PDK3: variants seen among roughly 807,000 people sequenced by gnomAD.
PDK3 encodes the protein pyruvate dehydrogenase kinase 3, also known as pyruvate dehydrogenase kinase, isozyme 3.
In PDK3, 12 loss-of-function variants were observed where a neutral mutation model predicts 32.0. The ratio of observed to expected loss-of-function variants is 0.37; its 90% CI spans 0.24 to 0.61. The LOEUF (loss-of-function observed/expected upper bound fraction) is 0.61, where lower values mean the gene tolerates loss of function less well. Ranked by LOEUF, PDK3 falls within the 20% of genes least tolerant of loss-of-function variation. PDK3 has a pLI of 0.65. For synonymous variants in PDK3, 122 were observed against 116.3 expected, an observed-to-expected ratio of 1.05 and a Z score of -0.31; for missense variants, 188 against 316.9, an observed-to-expected ratio of 0.59 and a Z score of 3.09.
At chrX:24,467,558 C>T (rs944226491) in intron 1 of PDK3, among the ~76,000 whole-genome samples, 1 of 112,294 alleles carries the variant, frequency 8.9e-6, no homozygotes, top group African/African-American at 3.2e-5. Context: ...TAGTTTGTAA[C>T]ACCCAGAGAT....
chrX:24,545,927 G>T (rs1922987027), exon 12 of PDK3: 1 of 112,034 alleles, frequency 8.9e-6, no homozygotes, highest in Non-Finnish European at 1.9e-5. Context: ...GAAAAATCCA[G>T]CCAGAAAGGG....
rs779361539 is a variant in PDK3 at position 24,540,173 on chromosome X, C to T, written c.*1009C>T. ...AGTCTGATTTTCACAATCCTTTTTG[C>T]TAAAAGTTGGAAGTGGGAATTAGCA... is the stretch of plus-strand genomic sequence containing the variant. On this transcript the variant is annotated 3_prime_UTR_variant, in exon 12 of 12. Transcript: ENST00000568479. 7.2e-5 allele frequency among the ~76,000 whole-genome samples: 8 copies of T among 111,689 alleles called. No homozygotes were observed. The East Asian group carries it at 1.1e-3, about 16-fold the overall frequency.
chrX:24,477,818 G>A (rs184352333), intron 1 of PDK3, among the ~76,000 whole-genome samples: 1 of 111,668 alleles, frequency 9.0e-6, no homozygotes, highest in African/African-American at 3.3e-5. Flanking sequence ...AAACTTGGCT[G>A]TTTCTCTTTT....
rs894320268 is a variant in PDK3 at position 24,508,309 on chromosome X, A to G, written c.595+3011A>G. Among the ~76,000 whole-genome samples the G allele has an allele frequency of 3.6e-5, 4 of 111,238 alleles. No homozygotes were observed. In the East Asian group the frequency reaches 8.5e-4, roughly 24 times the overall value. On this transcript the variant is annotated intron_variant, in intron 5 of 10. Transcript: ENST00000379162. ...GGGGAAAATCTGCCCCCATGATCCAATCACCTCCCACAAGGCCCCACCGCC... is the reference window on the plus strand; with the variant it reads ...GGGGAAAATCTGCCCCCATGATCCAGTCACCTCCCACAAGGCCCCACCGCC...
rs144055519 is a variant in PDK3, at chrX:24,480,641, A to C, written c.107-14101A>C. Among the ~76,000 whole-genome samples the C allele has an allele frequency of 3.7e-3, 413 of 112,513 alleles. 1 individual carries two copies. Among genetic ancestry groups the C allele is most frequent in the African/African-American group, 0.012 (370 of 30,956 alleles). On this transcript the variant is annotated intron_variant, in intron 1 of 10. Transcript: ENST00000379162. ...TTGCCCAAGAGCTATGAACCACTTT[A>C]GGGGATAGAGTCTGTGAGTGAGATG... is the stretch of plus-strand genomic sequence containing the variant.
At chrX:24,548,404 C>G (rs1223378635) in exon 12 of PDK3, 1 of 112,439 alleles carries the variant, frequency 8.9e-6, no homozygotes, top group Admixed American at 9.5e-5. Context: ...GGATAATAAG[C>G]TTTCACTTAA....
intron 9 of PDK3, among the ~76,000 whole-genome samples, chrX:24,528,922 G>A (rs1922582904): frequency 1.8e-5 from 2 of 112,217 alleles, no homozygotes; most frequent in Admixed American, 9.5e-5. Context: ...CTGCAAAATG[G>A]TTCAGGGTAT....
exon 12 of PDK3, among the ~76,000 whole-genome samples, chrX:24,543,722 T>A (rs1922938800): frequency 8.9e-6 from 1 of 111,883 alleles, no homozygotes; most frequent in Non-Finnish European, 1.9e-5. Flanking sequence ...GTTCTTGGAT[T>A]ATAGGTGTGA....
At chrX:24,490,301 C>G (rs1440435466) in intron 1 of PDK3, among the ~76,000 whole-genome samples, 1 of 111,287 alleles carries the variant, frequency 9.0e-6, no homozygotes, top group Non-Finnish European at 1.9e-5. Flanking sequence ...CATGTTAACC[C>G]TCACCAAATC....
intron 1 of PDK3, among the ~76,000 whole-genome samples, chrX:24,491,142 A>G (rs1921547103): frequency 9.1e-6 from 1 of 109,614 alleles, no homozygotes; most frequent in Non-Finnish European, 1.9e-5. Context: ...GTGAAACCCT[A>G]TCTCTTTGTA....
At chrX:24,507,414 T>G (rs1302953013) in intron 5 of PDK3, among the ~76,000 whole-genome samples, 4 of 112,236 alleles carry the variant, frequency 3.6e-5, no homozygotes. Context: ...TCTCTTCATG[T>G]TAGTTGGGTG....
intron 1 of PDK3, among the ~76,000 whole-genome samples, chrX:24,489,393 C>T (rs1175560130): frequency 9.0e-6 from 1 of 111,510 alleles, no homozygotes; most frequent in African/African-American, 3.3e-5. Flanking sequence ...TTAAAAAATA[C>T]GAACTTCTGG....
At chrX:24,540,654 A>G (rs1336686875) in exon 12 of PDK3, among the ~76,000 whole-genome samples, 1 of 110,074 alleles carries the variant, frequency 9.1e-6, no homozygotes, top group African/African-American at 3.3e-5. Flanking sequence ...GAAAGAGCTC[A>G]TCTCTTCCAT....
intron 1 of PDK3, among the ~76,000 whole-genome samples, chrX:24,485,202 G>A (rs1921367550): frequency 9.0e-6 from 1 of 110,617 alleles, no homozygotes; most frequent in African/African-American, 3.3e-5. Flanking sequence ...ACAAAAATTA[G>A]CCAGGCGCGG....
chrX:24,501,149 A>G (rs1921844403), intron 3 of PDK3, among the ~76,000 whole-genome samples: 1 of 111,608 alleles, frequency 9.0e-6, no homozygotes, highest in Non-Finnish European at 1.9e-5. Context: ...AAGTCACCCC[A>G]AATTTCTACT....
chrX:24,474,307 A>G (rs1303643893), intron 1 of PDK3, among the ~76,000 whole-genome samples: 1 of 111,935 alleles, frequency 8.9e-6, no homozygotes, highest in East Asian at 2.8e-4. Flanking sequence ...AATGGCAATT[A>G]CTGATGGCAT....
chrX:24,537,121 T>TC (rs1189985318), downstream of PDK3, among the ~76,000 whole-genome samples: 5 of 95,806 alleles, frequency 5.2e-5, no homozygotes, highest in African/African-American at 1.2e-4. Flanking sequence ...TCTTTTCTTT[T>TC]TTTTTTTTTT....
rs182392538 is a variant in PDK3, at chrX:24,508,332, G to A, written c.595+3034G>A. ...CAATCACCTCCCACAAGGCCCCACC[G>A]CCAACACTCAGGATCACTATTCAAC... is the stretch of plus-strand genomic sequence containing the variant. On this transcript the variant is annotated intron_variant, in intron 5 of 10. Coordinates refer to ENST00000379162, the MANE Select transcript of PDK3 (RefSeq NM_005391.5). Among the ~76,000 whole-genome samples, 358 of 111,497 alleles carry A rather than the reference G, an allele frequency of 3.2e-3. 1 individual carries two copies. The highest frequency in any genetic ancestry group is 0.011 in the African/African-American group (347 of 30,722).
intron 1 of PDK3, among the ~76,000 whole-genome samples, chrX:24,474,436 C>T (rs971793399): frequency 7.2e-5 from 7 of 96,815 alleles, no homozygotes; most frequent in African/African-American, 2.3e-4. Context: ...TATTTTGAGA[C>T]GGAGTCTCAC....
Sources: allele counts gnomAD v4.1 joint callset (sites outside exome capture counted in the v4.1 genomes callset), GRCh38; gene constraint gnomAD v4.1.1; transcripts MANE v1.5; gene names NCBI Gene and HGNC (gene_info 2026-07-23, HGNC 2026-07-21).